Variants in TSPAN19 observed in about 807,000 individuals in gnomAD.
TSPAN19 encodes the protein tetraspanin-19.
In TSPAN19, 44 loss-of-function variants were observed where a neutral mutation model predicts 35.1. The observed-to-expected ratio is 1.25, with a 90% CI of 0.98 to 1.61. The LOEUF (loss-of-function observed/expected upper bound fraction) is 1.61. Among genes scored for constraint, TSPAN19 ranks in the 40% most tolerant of loss-of-function variants. The pLI is 0.00. For synonymous variants in TSPAN19, 79 were observed against 92.0 expected, an observed-to-expected ratio of 0.86 and a Z score of 0.81; for missense variants, 290 against 280.0, an observed-to-expected ratio of 1.04 and a Z score of -0.26.
rs1344608612 is a variant in TSPAN19 at position 85,027,890 on chromosome 12, A to G, written c.264+9T>C. On this transcript the variant is annotated intron_variant, in intron 4 of 8. Transcript: ENST00000532498. ...ACAAAAATTCAAACTATTGACATGA[A>G]ATACGTACCACAATTAGGAGCCATC... 1.3e-6 allele frequency: 2 copies of G among 1,554,348 alleles called. No homozygotes were observed. The highest frequency in any genetic ancestry group is 2.3e-5 in the East Asian group (1 of 42,774).
In TSPAN19 at chr12:85,033,274, G is replaced by A. The variant is rs1592669398; in HGVS notation, c.-28+2930C>T. On this transcript the variant is annotated intron_variant, in intron 1 of 8. Coordinates refer to ENST00000532498, the MANE Select transcript of TSPAN19 (RefSeq NM_001100917.2). ...GAGGTGTAAGGAGGCATGGATCAGA[G>A]TGGCAAGAGATGAAAGATAAGCTAA... 2.6e-5 allele frequency among the ~76,000 whole-genome samples: 4 copies of A among 152,204 alleles called. No homozygotes were observed. In the East Asian group the frequency reaches 7.7e-4, roughly 29 times the overall value.
At chr12:85,015,840 T>G (rs1264493258) in intron 8 of TSPAN19, 48 bp downstream of exon 8, 4 of 1,362,598 alleles carry the variant, frequency 2.9e-6, no homozygotes, top group Non-Finnish European at 4.1e-6. Context: ...CTATTCTGTA[T>G]AGCTTATACT....
At chr12:85,027,147 A>G (rs1256544696) in intron 4 of TSPAN19, among the ~76,000 whole-genome samples, 1 of 152,184 alleles carries the variant, frequency 6.6e-6, no homozygotes, top group African/African-American at 2.4e-5. Context: ...TTCACGTTAC[A>G]AGCCTCGAGA....
intron 8 of TSPAN19, 199 bp downstream of exon 8, chr12:85,015,689 G>A (rs949778688): frequency 1.1e-5 from 5 of 450,650 alleles, no homozygotes; most frequent in African/African-American, 2.1e-5. Flanking sequence ...ACTACCTCCA[G>A]GATGACCACT....
intron 5 of TSPAN19, 97 bp from the exon 6 acceptor site, chr12:85,019,833 G>T: frequency 5.2e-6 from 3 of 575,530 alleles, no homozygotes; most frequent in Admixed American, 3.4e-5. Context: ...ATCATGAAAA[G>T]AATATTCAAT....
At chr12:85,029,679 T>C (rs1215195767) in intron 3 of TSPAN19, 40 bp downstream of exon 3, 1 of 1,416,676 alleles carries the variant, frequency 7.1e-7, no homozygotes, top group South Asian at 1.3e-5. Flanking sequence ...AAAAATTGAA[T>C]GTCTATTTCA....
At position 85,015,847 on chromosome 12, in the gene TSPAN19, T is replaced by C. The variant is rs1240670140; in HGVS notation, c.678+41A>G. 11 of 1,404,502 alleles carry C rather than the reference T, an allele frequency of 7.8e-6. No homozygotes were observed. In the East Asian group the frequency reaches 2.5e-4, roughly 32 times the overall value. 87.0% of individuals were successfully genotyped at this position (1,404,502 alleles called of 1,614,324 possible). A position where few individuals can be genotyped will look rare whatever the true frequency, so the allele number is the denominator to read the frequency against. ...TCTGCAGTCTATTCTGTATAGCTTA[T>C]ACTTAATATTTTTCATTTTAACATA... On this transcript the variant is annotated intron_variant, in intron 8 of 8. Transcript: ENST00000532498.
rs1565764193 is a variant in TSPAN19, at chr12:85,017,444, AT to A, written c.594+11del. 1.2e-6 allele frequency: 2 copies of A among 1,602,700 alleles called. No homozygotes were observed. Among genetic ancestry groups the A allele is most frequent in the Admixed American group, 1.7e-5 (1 of 58,508 alleles). ...ACTATAAATACTTGTAGAAGCCTAG[AT>A]TTATCTTTACCTCAAGGTAAGTTGC... On this transcript the variant is annotated intron_variant, in intron 7 of 8. Coordinates refer to ENST00000532498, the MANE Select transcript of TSPAN19 (RefSeq NM_001100917.2).
intron 3 of TSPAN19, 41 bp downstream of exon 3, chr12:85,029,674 TTGAA>T: frequency 1.4e-6 from 2 of 1,400,498 alleles, no homozygotes; most frequent in Non-Finnish European, 1.9e-6. Flanking sequence ...CTGTTAAAAA[TTGAA>T]TGTCTATTTC....
chr12:85,020,444 T>G (rs938740690), intron 5 of TSPAN19, among the ~76,000 whole-genome samples: 2 of 152,012 alleles, frequency 1.3e-5, no homozygotes, highest in Non-Finnish European at 2.9e-5. Flanking sequence ...TTATGATTTT[T>G]AAATTTTAAA....
intron 1 of TSPAN19, among the ~76,000 whole-genome samples, chr12:85,031,721 T>C (rs1245874333): frequency 2.6e-5 from 4 of 152,104 alleles, no homozygotes; most frequent in Admixed American, 1.3e-4. Flanking sequence ...CCATCTTTTA[T>C]AGCTAACAGA....
At chr12:85,029,176 G>C (rs1185147941) in intron 3 of TSPAN19, among the ~76,000 whole-genome samples, 3 of 152,088 alleles carry the variant, frequency 2.0e-5, no homozygotes, top group African/African-American at 4.8e-5. Context: ...CATATCCTCA[G>C]CTCTTAGGGC....
rs1183521462 is a variant in TSPAN19 at position 85,019,736 on chromosome 12, C to A, written c.340G>T (p.Val114Phe). The A allele has an allele frequency of 6.4e-7, 1 of 1,564,930 alleles. No homozygotes were observed. The highest frequency in any genetic ancestry group is 8.7e-7 in the Non-Finnish European group (1 of 1,152,198). ...ATTTTGTCATGCCATAGTTGCTGAACCTGTAGAAAATTGTATTAAAAATGA... is the reference window on the plus strand; with the variant it reads ...ATTTTGTCATGCCATAGTTGCTGAAACTGTAGAAAATTGTATTAAAAATGA... ...SAFIITKKEE[V>F]QQLWHDKIDF... Residue 114 changes from valine to phenylalanine, a missense_variant and splice_region_variant, in exon 6 of 9, where the codon GTT (valine) becomes TTT (phenylalanine). Val to Phe is a conservative substitution (Grantham distance 50). Transcript: ENST00000532498.
Position 85,023,360 on chromosome 12 carries a change from A to G in TSPAN19, c.305T>C (p.Val102Ala). ...CTTTGTGATGATGAATGCTGAAAGT[A>G]CAACCTGAACAGCAAAGGTCCATGT... ...LITWTFAVQV[V>A]LSAFIITKKE... Residue 102 changes from valine to alanine, a missense_variant, in exon 5 of 9, where the codon GTA becomes GCA. Transcript: ENST00000532498. 6.3e-7 allele frequency: 1 copy of G among 1,589,156 alleles called. No individual in the cohort carries two copies. Among genetic ancestry groups the G allele is most frequent in the Non-Finnish European group, 8.6e-7 (1 of 1,166,684 alleles).
chr12:85,031,498 T>C (rs1877683238), intron 1 of TSPAN19, among the ~76,000 whole-genome samples: 1 of 152,124 alleles, frequency 6.6e-6, no homozygotes, highest in Non-Finnish European at 1.5e-5. Flanking sequence ...ATGTGAAATG[T>C]TGAAGGCATG....
intron 4 of TSPAN19, among the ~76,000 whole-genome samples, chr12:85,026,280 G>A (rs1009246496): frequency 1.3e-5 from 2 of 152,056 alleles, no homozygotes; most frequent in Non-Finnish European, 2.9e-5. Flanking sequence ...AGCCATTTCT[G>A]TTCTGGTTTT....
intron 1 of TSPAN19, among the ~76,000 whole-genome samples, chr12:85,031,540 T>C (rs1173781831): frequency 6.6e-6 from 1 of 152,106 alleles, no homozygotes; most frequent in Non-Finnish European, 1.5e-5. Flanking sequence ...ATAATTAGCA[T>C]GTTAGGCAGG....
intron 1 of TSPAN19, among the ~76,000 whole-genome samples, chr12:85,034,669 A>T (rs965918219): frequency 6.6e-6 from 1 of 152,220 alleles, no homozygotes; most frequent in Non-Finnish European, 1.5e-5. Context: ...TACATGGTTG[A>T]TAAACAACAG....
At chr12:85,034,484 G>T (rs2135823094) in intron 1 of TSPAN19, among the ~76,000 whole-genome samples, 1 of 152,136 alleles carries the variant, frequency 6.6e-6, no homozygotes, top group South Asian at 2.1e-4. Flanking sequence ...AAGCCAATAT[G>T]CTATAAATCA....
Sources: gnomAD v4.1 joint callset for allele counts (sites outside exome capture counted in the v4.1 genomes callset) on GRCh38, gnomAD v4.1.1 for gene constraint, MANE v1.5 for transcripts, NCBI Gene and HGNC (gene_info 2026-07-23, HGNC 2026-07-21) for gene names.